Variants in NAALADL2 observed in about 807,000 individuals in gnomAD.
NAALADL2 encodes inactive N-acetylated-alpha-linked acidic dipeptidase-like protein 2.
A neutral mutation model predicts 87.2 loss-of-function variants in NAALADL2; 76 were observed. That is an observed-to-expected ratio of 0.87 (90% confidence interval 0.72 to 1.05). The LOEUF is 1.05. Ranked by LOEUF, NAALADL2 falls within the 50% of genes least tolerant of loss-of-function variation. The pLI, the probability that NAALADL2 is intolerant of heterozygous loss-of-function variation, is 0.00. For missense variants in NAALADL2, 1,089 were observed against 945.8 expected (o/e 1.15, Z -1.99); for synonymous variants, 354 against 331.0 (o/e 1.07, Z -0.75).
intron 1 of NAALADL2, among the ~76,000 whole-genome samples, chr3:175,029,440 A>G (rs975434102): frequency 6.6e-6 from 1 of 152,044 alleles, no homozygotes; most frequent in African/African-American, 2.4e-5. Context: ...ACACACATTG[A>G]TATCTGCATA....
chr3:174,849,734 CAAA>C (rs57620256), intron 3 of NAALADL2, among the ~76,000 whole-genome samples: 1,405 of 62,736 alleles, frequency 0.022, 17 homozygotes, highest in African/African-American at 0.078. Flanking sequence ...GACTCTGACT[CAAA>C]AAAAAAAAAA....
intron 1 of NAALADL2, among the ~76,000 whole-genome samples, chr3:175,055,745 T>G (rs1019050251): frequency 1.3e-5 from 2 of 152,132 alleles, no homozygotes; most frequent in African/African-American, 4.8e-5. Context: ...CTCGCTGAGT[T>G]TTTCTACATT....
chr3:174,774,316 T>G (rs910632958), intron 3 of NAALADL2, among the ~76,000 whole-genome samples: 1 of 152,218 alleles, frequency 6.6e-6, no homozygotes, highest in Non-Finnish European at 1.5e-5. Flanking sequence ...CCTCTTTCTC[T>G]ACTTCTTAGG....
chr3:175,233,423 T>G (rs1745302146), intron 2 of NAALADL2, among the ~76,000 whole-genome samples: 1 of 152,022 alleles, frequency 6.6e-6, no homozygotes, highest in African/African-American at 2.4e-5. Context: ...TTAGTGGGTT[T>G]TTTTGTTTTG....
intron 2 of NAALADL2, among the ~76,000 whole-genome samples, chr3:174,578,706 C>T (rs1715821103): frequency 6.6e-6 from 1 of 151,676 alleles, no homozygotes; most frequent in African/African-American, 2.4e-5. Flanking sequence ...GGTACCTGTG[C>T]AAGTAATTAT....
intron 8 of NAALADL2, among the ~76,000 whole-genome samples, chr3:175,467,686 C>G (rs752716287): frequency 2.0e-5 from 3 of 152,108 alleles, no homozygotes; most frequent in Non-Finnish European, 4.4e-5. Context: ...CTCTTTCACC[C>G]TTATCTCCCT....
intron 11 of NAALADL2, among the ~76,000 whole-genome samples, chr3:175,637,714 T>C (rs1161799413): frequency 2.6e-5 from 4 of 152,314 alleles, no homozygotes; most frequent in Middle Eastern, 6.8e-3. Flanking sequence ...ATGCTTCTTG[T>C]ACAGTCTGCA....
At chr3:175,042,034 C>G (rs1239316215) in intron 1 of NAALADL2, among the ~76,000 whole-genome samples, 3 of 152,128 alleles carry the variant, frequency 2.0e-5, no homozygotes, top group African/African-American at 7.2e-5. Context: ...ATTTATTCAT[C>G]TTACAACTGC....
intron 1 of NAALADL2, among the ~76,000 whole-genome samples, chr3:174,538,917 G>A (rs1721970932): frequency 6.6e-6 from 1 of 152,082 alleles, no homozygotes; most frequent in African/African-American, 2.4e-5. Flanking sequence ...TCCCTAAAAT[G>A]TATGAAACCA....
At chr3:175,250,413 A>T (rs763770286) in intron 3 of NAALADL2, among the ~76,000 whole-genome samples, 5 of 152,054 alleles carry the variant, frequency 3.3e-5, no homozygotes, top group African/African-American at 4.8e-5. Flanking sequence ...TAACTCAGAT[A>T]ATAAATTTGT....
intron 2 of NAALADL2, among the ~76,000 whole-genome samples, chr3:175,202,337 C>G (rs76686721): frequency 0.17 from 25,496 of 152,054 alleles, 2,268 homozygotes; most frequent in African/African-American, 0.21. Flanking sequence ...TCCATTTCCT[C>G]TCCTCTCTGA....
chr3:175,008,300 G>A (rs964754915), intron 1 of NAALADL2, among the ~76,000 whole-genome samples: 1 of 152,174 alleles, frequency 6.6e-6, no homozygotes, highest in African/African-American at 2.4e-5. Flanking sequence ...AGGATTGCTT[G>A]AGCGCAGGAG....
intron 3 of NAALADL2, among the ~76,000 whole-genome samples, chr3:174,840,748 CTCTT>C (rs1723936473): frequency 6.6e-6 from 1 of 152,242 alleles, no homozygotes; most frequent in South Asian, 2.1e-4. Context: ...TTTGTTCTCT[CTCTT>C]TATTTTCTCA....
At chr3:174,794,196 C>G (rs12630141) in intron 3 of NAALADL2, among the ~76,000 whole-genome samples, 12,308 of 152,054 alleles carry the variant, frequency 0.081, 856 homozygotes, top group East Asian at 0.34. Context: ...TGTTTAATAA[C>G]AGGTTCGATT....
At chr3:174,882,524 T>C (rs34963484) in intron 1 of NAALADL2, among the ~76,000 whole-genome samples, 30,965 of 149,034 alleles carry the variant, frequency 0.21, 3,298 homozygotes, top group East Asian at 0.3. Context: ...TATGTGCATA[T>C]ACACATATAT....
At chr3:175,414,787 G>GTAAAGGATC (rs1370439496) in intron 5 of NAALADL2, among the ~76,000 whole-genome samples, 1 of 131,784 alleles carries the variant, frequency 7.6e-6, no homozygotes, top group Non-Finnish European at 1.7e-5. Flanking sequence ...ATTGGTTAAG[G>GTAAAGGATC]TAAAGGATCT....
rs867839110 is a variant in NAALADL2, at chr3:175,730,484, A to G, written c.1897-6822A>G. 3.6e-5 allele frequency among the ~76,000 whole-genome samples: 5 copies of G among 139,158 alleles called. No homozygotes were observed. In the South Asian group the frequency reaches 1.1e-3, roughly 32 times the overall value. The allele number at this position is 139,158 out of a possible 152,430, so 91.3% of individuals were successfully genotyped here. On this transcript the variant is annotated intron_variant, in intron 11 of 13. Coordinates refer to ENST00000454872, the MANE Select transcript of NAALADL2 (RefSeq NM_207015.3). ...CACACACACACGTGTGTGTGTGCGT[A>G]CACTTTTTCCTTAACTCTGTAAATA...
intron 1 of NAALADL2, among the ~76,000 whole-genome samples, chr3:174,443,212 C>G (rs1714794553): frequency 6.6e-6 from 1 of 152,094 alleles, no homozygotes; most frequent in South Asian, 2.1e-4. Context: ...CTGAAGAAAG[C>G]AAGAATAGAA....
At chr3:174,966,438 G>T (rs1360845130) in intron 1 of NAALADL2, among the ~76,000 whole-genome samples, 1 of 152,182 alleles carries the variant, frequency 6.6e-6, no homozygotes, top group Non-Finnish European at 1.5e-5. Context: ...CAAGGAGGTT[G>T]TGTCTGTGGC....
Sources: gnomAD v4.1 joint callset for allele counts (sites outside exome capture counted in the v4.1 genomes callset) on GRCh38, gnomAD v4.1.1 for gene constraint, MANE v1.5 for transcripts, NCBI Gene and HGNC (gene_info 2026-07-23, HGNC 2026-07-21) for gene names.